The following SRGAP3 variants were observed in gnomAD, a reference collection of about 807,000 sequenced individuals.
The protein encoded by SRGAP3 is SLIT-ROBO Rho GTPase-activating protein 3.
A neutral mutation model predicts 121.1 loss-of-function variants in SRGAP3; 39 were observed. The observed-to-expected ratio is 0.32, with a 90% CI of 0.25 to 0.42. The LOEUF (loss-of-function observed/expected upper bound fraction) is 0.42. Among genes scored for constraint, SRGAP3 ranks in the 10% least tolerant of loss-of-function variants. SRGAP3 has a pLI of 1.00. For synonymous variants in SRGAP3, 601 were observed against 570.0 expected (o/e 1.05, Z -0.77); for missense variants, 1,213 against 1,470.6 (o/e 0.82, Z 2.86).
chr3:9,200,071 C>T (rs532345869), intron 1 of SRGAP3, among the ~76,000 whole-genome samples: 1 of 152,154 alleles, frequency 6.6e-6, no homozygotes, highest in Admixed American at 6.5e-5. Context: ...GAGAGGCTGA[C>T]AATATGGTGG....
intron 1 of SRGAP3, among the ~76,000 whole-genome samples, chr3:9,354,649 T>A (rs2030393044): frequency 7.5e-6 from 1 of 132,786 alleles, no homozygotes; most frequent in Admixed American, 8.9e-5. Flanking sequence ...GCCACTGCAC[T>A]CCAGCCGGGG....
intron 3 of SRGAP3, among the ~76,000 whole-genome samples, chr3:9,287,399 C>T: frequency 6.6e-6 from 1 of 152,178 alleles, no homozygotes; most frequent in Middle Eastern, 3.2e-3. Context: ...GTGACGAGTT[C>T]TCTCAGATTT....
chr3:9,256,638 G>A, intron 3 of SRGAP3: 1 of 394,516 alleles, frequency 2.5e-6, no homozygotes. Context: ...TTAGTCTGAT[G>A]CACATTTCCA....
intron 15 of SRGAP3, 100 bp from the exon 16 acceptor site, chr3:9,013,942 G>C (rs1293232364): frequency 4.7e-6 from 5 of 1,059,356 alleles, no homozygotes; most frequent in African/African-American, 3.1e-5. Context: ...ACGTGGATGG[G>C]GGAGCCAGCT....
chr3:9,019,325 C>T (rs1322626158), intron 14 of SRGAP3, among the ~76,000 whole-genome samples: 1 of 152,076 alleles, frequency 6.6e-6, no homozygotes, highest in Non-Finnish European at 1.5e-5. Flanking sequence ...CTACCAGCAA[C>T]ACCATCTCAA....
chr3:9,223,530 C>T (rs1338349851), intron 1 of SRGAP3, among the ~76,000 whole-genome samples: 2 of 152,200 alleles, frequency 1.3e-5, no homozygotes, highest in Non-Finnish European at 2.9e-5. Context: ...TCTTGAGGGA[C>T]TGGTGCTCCA....
At chr3:9,030,323 C>T (rs781113275) in intron 12 of SRGAP3, among the ~76,000 whole-genome samples, 20 of 152,224 alleles carry the variant, frequency 1.3e-4, no homozygotes, top group Non-Finnish European at 8.8e-5. Flanking sequence ...GCTGTCGCTG[C>T]TGGGGTGCTC....
At chr3:9,212,786 C>T (rs1356983228) in intron 1 of SRGAP3, among the ~76,000 whole-genome samples, 2 of 152,208 alleles carry the variant, frequency 1.3e-5, no homozygotes, top group Admixed American at 1.3e-4. Context: ...CGTGTGTCCT[C>T]CTGTTCATCA....
intron 1 of SRGAP3, among the ~76,000 whole-genome samples, chr3:9,342,986 G>A (rs560584530): frequency 6.6e-6 from 1 of 152,306 alleles, no homozygotes; most frequent in South Asian, 2.1e-4. Context: ...GGCTGTCCGG[G>A]CCCACCATGC....
intron 1 of SRGAP3, among the ~76,000 whole-genome samples, chr3:9,170,531 C>T (rs1950940244): frequency 1.3e-5 from 2 of 152,050 alleles, no homozygotes; most frequent in East Asian, 1.9e-4. Context: ...TTTAGGAAGT[C>T]GCACTCAAAT....
chr3:9,013,587 CTG>C lies in SRGAP3; in HGVS notation c.1920-54_1920-53del, dbSNP rs779492918. 3.7e-6 allele frequency: 6 copies of C among 1,601,438 alleles called. No homozygotes were observed. The South Asian group carries it at 4.4e-5, about 12-fold the overall frequency. On this transcript the variant is annotated intron_variant, in intron 16 of 21. Coordinates refer to ENST00000383836, the MANE Select transcript of SRGAP3 (RefSeq NM_014850.4). ...CATCTGGGAAAGGCAAGTCCTCCCC[CTG>C]TGTTTTTTTTCTTTTGGGGGACCCT...
chr3:9,180,269 A>T (rs1951333740), intron 1 of SRGAP3, among the ~76,000 whole-genome samples: 1 of 152,246 alleles, frequency 6.6e-6, no homozygotes, highest in Non-Finnish European at 1.5e-5. Context: ...GGGAACTTTT[A>T]GTAGGCAGAC....
intron 1 of SRGAP3, among the ~76,000 whole-genome samples, chr3:9,155,614 T>C (rs574028084): frequency 1.3e-5 from 2 of 152,298 alleles, no homozygotes; most frequent in South Asian, 4.1e-4. Context: ...CTCTCATGAA[T>C]TCCTCAGCAC....
chr3:9,176,507 C>A (rs1470866032), intron 1 of SRGAP3, among the ~76,000 whole-genome samples: 1 of 152,218 alleles, frequency 6.6e-6, no homozygotes, highest in East Asian at 1.9e-4. Context: ...AAGTAATCAT[C>A]CATGGGACTC....
intron 3 of SRGAP3, among the ~76,000 whole-genome samples, chr3:9,302,773 G>T (rs1190921639): frequency 6.6e-6 from 1 of 152,094 alleles, no homozygotes; most frequent in Admixed American, 6.5e-5. Context: ...CTGGCGAACC[G>T]CTCTGAGAAT....
At chr3:9,289,034 CTA>C (rs1227896785) in intron 3 of SRGAP3, among the ~76,000 whole-genome samples, 1 of 152,132 alleles carries the variant, frequency 6.6e-6, no homozygotes, top group Non-Finnish European at 1.5e-5. Context: ...GTAGCCGGGA[CTA>C]CAGGCATGCG....
At chr3:9,047,881 C>T (rs543541644) in intron 9 of SRGAP3, among the ~76,000 whole-genome samples, 99 of 152,344 alleles carry the variant, frequency 6.5e-4, no homozygotes, top group East Asian at 9.6e-4. Flanking sequence ...GCCACGCAGC[C>T]GAAGCTAGGG....
chr3:8,990,661 T>A lies in SRGAP3; in HGVS notation c.2737A>T (p.Arg913Trp). 1 of 1,613,692 alleles carries A rather than the reference T, an allele frequency of 6.2e-7. No homozygotes were observed. Among genetic ancestry groups the A allele is most frequent in the Non-Finnish European group, 8.5e-7 (1 of 1,179,970 alleles). ...RGRIESPEKR[R>W]MATFGSAGSI... ...CCAGCGCTCCCGAACGTCGCCATCC[T>A]CCGCTTCTCAGGGCTCTCGATCCTC... The change falls in exon 21 of 22, where the codon AGG becomes TGG. Residue 913 changes from arginine (R) to tryptophan (W), a missense_variant. Around this residue, in one of 2 missense-constraint regions of SRGAP3, gnomAD observed 420 missense variants for 437.7 expected, o/e 0.96. Coordinates refer to ENST00000383836, the MANE Select transcript of SRGAP3 (RefSeq NM_014850.4).
In SRGAP3 at chr3:9,284,933, A is replaced by G. The variant is rs748974509; in HGVS notation, n.442+41077T>C. ...CACATACTTTTAGAACCACTGCCCT[A>G]AGGTAATGCTGTTGATTAAGGAAAT... On this transcript the variant is annotated intron_variant and non_coding_transcript_variant, in intron 3 of 3. Coordinates refer to the SRGAP3 transcript ENST00000490889. Among the ~76,000 whole-genome samples, 205 of 152,054 alleles carry G rather than the reference A, an allele frequency of 1.3e-3. 5 individuals carry two copies. The highest frequency in any genetic ancestry group is 3.4e-4 in the Non-Finnish European group (23 of 68,026).
Sources: allele counts gnomAD v4.1 joint callset (sites outside exome capture counted in the v4.1 genomes callset), GRCh38; gene constraint gnomAD v4.1.1; regional missense constraint gnomAD v4.1.1; transcripts MANE v1.5; gene names NCBI Gene and HGNC (gene_info 2026-07-23, HGNC 2026-07-21).